NDUFA10: variants seen among roughly 807,000 people sequenced by gnomAD.
NDUFA10 encodes NADH dehydrogenase [ubiquinone] 1 alpha subcomplex subunit 10, mitochondrial.
NDUFA10 carries 40 observed loss-of-function variants against 47.8 expected under a neutral mutation model. The ratio of observed to expected loss-of-function variants is 0.84; its 90% confidence interval spans 0.65 to 1.09. The LOEUF (loss-of-function observed/expected upper bound fraction) is 1.09. NDUFA10 is among the 50% of genes least tolerant of loss of function. The pLI is 0.00. For synonymous variants in NDUFA10, 183 were observed against 172.2 expected (o/e 1.06, Z -0.49); for missense variants, 413 against 451.1 (o/e 0.92, Z 0.76).
At chr2:239,920,269 A>G (rs754306992) in intron 4 of NDUFA10, among the ~76,000 whole-genome samples, 16 of 152,200 alleles carry the variant, frequency 1.1e-4, no homozygotes, top group Non-Finnish European at 1.9e-4. Context: ...CTGACCTGGG[A>G]CTGCCATCCT....
chr2:239,973,065 G>A (rs78307279), intron 9 of NDUFA10, among the ~76,000 whole-genome samples: 2,294 of 152,276 alleles, frequency 0.015, 49 homozygotes, highest in African/African-American at 0.052. Flanking sequence ...GACACATGCT[G>A]ATAATTTTCC....
At chr2:240,015,652 C>T (rs918930024) in intron 4 of NDUFA10, among the ~76,000 whole-genome samples, 4 of 152,226 alleles carry the variant, frequency 2.6e-5, no homozygotes, top group African/African-American at 7.2e-5. Flanking sequence ...GCCCGTGCCA[C>T]CCAAGGGAAC....
chr2:239,901,522 C>CA (rs367944322), intron 4 of NDUFA10, among the ~76,000 whole-genome samples: 2 of 152,030 alleles, frequency 1.3e-5, no homozygotes, highest in Admixed American at 1.3e-4. Flanking sequence ...ACCTGCCCCC[C>CA]AAGAGCTCTG....
intron 4 of NDUFA10, among the ~76,000 whole-genome samples, chr2:239,909,576 G>T (rs12618398): frequency 0.3 from 45,710 of 152,036 alleles, 7,635 homozygotes; most frequent in Admixed American, 0.42. Flanking sequence ...TCGCACCACT[G>T]CACTCCAGCC....
intron 7 of NDUFA10, among the ~76,000 whole-genome samples, chr2:240,006,569 C>T (rs1358652670): frequency 1.3e-5 from 2 of 152,188 alleles, no homozygotes; most frequent in Admixed American, 1.3e-4. Flanking sequence ...AGAATTGTTA[C>T]ACCTCGTTTT....
intron 9 of NDUFA10, among the ~76,000 whole-genome samples, chr2:239,978,330 G>A (rs1695613597): frequency 6.6e-6 from 1 of 152,120 alleles, no homozygotes; most frequent in Non-Finnish European, 1.5e-5. Context: ...CCTATGACCT[G>A]GTCATCAACG....
chr2:240,013,029 C>T (rs950855219), intron 5 of NDUFA10: 1 of 152,218 alleles, frequency 6.6e-6, no homozygotes, highest in African/African-American at 2.4e-5. Flanking sequence ...TAAATGTTAA[C>T]TGATTATAAA....
At chr2:239,961,838 CAG>C (rs1391160043) in intron 9 of NDUFA10, among the ~76,000 whole-genome samples, 3 of 152,180 alleles carry the variant, frequency 2.0e-5, no homozygotes, top group Non-Finnish European at 4.4e-5. Context: ...CGGATGCTGC[CAG>C]AGAGGCCAGT....
intron 4 of NDUFA10, among the ~76,000 whole-genome samples, chr2:239,950,978 C>T (rs753051030): frequency 6.6e-6 from 1 of 152,238 alleles, no homozygotes; most frequent in Non-Finnish European, 1.5e-5. Context: ...CCAGTACGTT[C>T]CGCTTCAGCC....
chr2:240,012,088 CTCT>C (rs3838574), intron 5 of NDUFA10: 20,329 of 289,196 alleles, frequency 0.07, 894 homozygotes, highest in Admixed American at 0.13. Context: ...TCAGCACACT[CTCT>C]TCTTGTCACC....
At chr2:239,964,296 G>C (rs1694974549) in intron 9 of NDUFA10, among the ~76,000 whole-genome samples, 1 of 152,142 alleles carries the variant, frequency 6.6e-6, no homozygotes. Flanking sequence ...GACAATGGAA[G>C]CAACAGCCAC....
At chr2:239,938,937 TGGA>T (rs1406739480) in intron 4 of NDUFA10, among the ~76,000 whole-genome samples, 3 of 152,192 alleles carry the variant, frequency 2.0e-5, no homozygotes, top group African/African-American at 7.2e-5. Flanking sequence ...GCCGTTGAGT[TGGA>T]GGAAACATTC....
chr2:240,005,233 G>T lies in NDUFA10; in HGVS notation c.867C>A (p.Arg289=). The part of the protein sequence containing the change: ...DKGPWLKQDN[R]TLYHLRLLVQ... The stretch of plus-strand genomic sequence containing the variant: ...ACAGTAATCGCAGGTGGTATAAAGT[G>T]CGATTGTCCTGCTTGAGCCACGGCC... Residue 289 remains arginine (R), a synonymous_variant, in exon 8 of 10, where the codon CGC becomes CGA. Transcript: ENST00000252711. 1 of 1,614,026 alleles carries T rather than the reference G, an allele frequency of 6.2e-7. No individual in the cohort carries two copies. The highest frequency in any genetic ancestry group is 8.5e-7 in the Non-Finnish European group (1 of 1,179,950).
chr2:239,927,773 G>A (rs1301417846), intron 4 of NDUFA10, among the ~76,000 whole-genome samples: 1 of 152,176 alleles, frequency 6.6e-6, no homozygotes, highest in Non-Finnish European at 1.5e-5. Context: ...GCCTGAGGGA[G>A]ATTCACACGA....
At chr2:240,001,810 T>C (rs1696732291) in intron 8 of NDUFA10, among the ~76,000 whole-genome samples, 1 of 152,178 alleles carries the variant, frequency 6.6e-6, no homozygotes, top group Non-Finnish European at 1.5e-5. Flanking sequence ...ATCAGCTGAC[T>C]TCAATGACTC....
At chr2:239,996,558 C>A (rs1180821846) in intron 8 of NDUFA10, among the ~76,000 whole-genome samples, 1 of 152,258 alleles carries the variant, frequency 6.6e-6, no homozygotes. Context: ...AAACTGACAG[C>A]ACTGATGCAT....
intron 8 of NDUFA10, among the ~76,000 whole-genome samples, chr2:239,991,093 C>T (rs1191879874): frequency 6.6e-6 from 1 of 152,092 alleles, no homozygotes; most frequent in African/African-American, 2.4e-5. Context: ...CAGTCCAGGC[C>T]CACTGAGCAA....
chr2:240,013,455 T>C (rs963961985), intron 5 of NDUFA10: 8 of 152,256 alleles, frequency 5.3e-5, no homozygotes, highest in East Asian at 1.9e-4. Context: ...TCTCAATAAA[T>C]GTCAGCATAA....
chr2:240,020,849 A>T (rs980443212), intron 3 of NDUFA10, among the ~76,000 whole-genome samples: 2 of 152,178 alleles, frequency 1.3e-5, no homozygotes, highest in African/African-American at 4.8e-5. Flanking sequence ...CACAGTCTTC[A>T]TAAGTGTGAT....
Sources: gnomAD v4.1 joint callset for allele counts (sites outside exome capture counted in the v4.1 genomes callset) on GRCh38, gnomAD v4.1.1 for gene constraint, MANE v1.5 for transcripts, NCBI Gene and HGNC (gene_info 2026-07-23, HGNC 2026-07-21) for gene names.